Variants in PIGP observed in about 807,000 individuals in gnomAD.
PIGP encodes phosphatidylinositol glycan anchor biosynthesis class P.
In PIGP, 12 loss-of-function variants were observed where a neutral mutation model predicts 16.9. The ratio of observed to expected loss-of-function variants is 0.71; its 90% CI spans 0.46 to 1.15. The LOEUF (loss-of-function observed/expected upper bound fraction) is 1.15, where lower values mean the gene tolerates loss of function less well. Among genes scored for constraint, PIGP ranks in the 50% most tolerant of loss-of-function variants. The pLI is 0.00. For synonymous variants in PIGP, 57 were observed against 54.7 expected (o/e 1.04, Z -0.18); for missense variants, 159 against 153.5 (o/e 1.04, Z -0.19).
Position 37,069,559 on chromosome 21 carries a change from G to T in PIGP, c.148C>A (p.Pro50Thr). The T allele has an allele frequency of 6.5e-7, 1 of 1,547,146 alleles. No homozygotes were observed. Among genetic ancestry groups the T allele is most frequent in the Non-Finnish European group, 8.8e-7 (1 of 1,138,280 alleles). The change falls in exon 3 of 5, where the codon CCT becomes ACT. Residue 50 changes from proline to threonine, a missense_variant. Physicochemically the swap from Pro to Thr is conservative, Grantham distance 38. Coordinates refer to ENST00000360525, the MANE Select transcript of PIGP (RefSeq NM_153682.3). The stretch of plus-strand genomic sequence containing the variant: ...GAAATATATTAAACTTACTTTTGAG[G>T]CCAATAGGTTAAACCTAAAGAGTTT... ...WLNSLGLTYW[P>T]QKYWAVALPV...
chr21:37,067,273 T>C lies in PIGP; in HGVS notation c.263A>G (p.His88Arg), dbSNP rs577401644. ...TTATATAAAGTTACCTGTGATTGTA[T>C]GGATGGAGTCGAGTGGAGAGGTACT... Reference protein sequence around the residue: ...MMSTSPLDSIHTITDNYAKNQ... With the variant: ...MMSTSPLDSIRTITDNYAKNQ... Residue 88 changes from histidine to arginine, a missense_variant, in exon 4 of 5, where the codon CAT becomes CGT. By Grantham distance (29) the His-to-Arg change is conservative (BLOSUM62 0). Coordinates refer to ENST00000360525, the MANE Select transcript of PIGP (RefSeq NM_153682.3). 1.9e-6 allele frequency: 3 copies of C among 1,572,390 alleles called. No individual in the cohort carries two copies. The highest frequency in any genetic ancestry group is 1.7e-5 in the Admixed American group (1 of 59,934).
intron 3 of PIGP, chr21:37,069,314 T>G: frequency 1.1e-5 from 3 of 274,754 alleles, no homozygotes; most frequent in Non-Finnish European, 2.1e-5. Context: ...TTTTTTCCTG[T>G]AGGGTCATTT....
At position 37,072,729 on chromosome 21, in the gene PIGP, G is replaced by A. The variant is rs1027774025; in HGVS notation, c.-22-192C>T. On this transcript the variant is annotated intron_variant, in intron 1 of 4. Coordinates refer to ENST00000360525, the MANE Select transcript of PIGP (RefSeq NM_153682.3). ...CTGGCGCGCGCCCCGCAACAGAAGG[G>A]GTGGCGGAGGATAGGGCAGGGAGGG... 73 of 831,032 alleles carry A rather than the reference G, an allele frequency of 8.8e-5. 1 individual carries two copies. The highest frequency in any genetic ancestry group is 7.6e-4 in the South Asian group (46 of 60,196). 51.5% of individuals were successfully genotyped at this position (831,032 alleles called of 1,614,324 possible). A position where few individuals can be genotyped will look rare whatever the true frequency, so the allele number is the denominator to read the frequency against.
chr21:37,066,852 A>C (rs1972033841), intron 4 of PIGP, among the ~76,000 whole-genome samples: 1 of 152,186 alleles, frequency 6.6e-6, no homozygotes, highest in African/African-American at 2.4e-5. Flanking sequence ...AATTAATTAT[A>C]ATTTATTTCC....
At chr21:37,072,258 G>A in intron 2 of PIGP, 176 bp downstream of exon 2, 1 of 1,610,492 alleles carries the variant, frequency 6.2e-7, no homozygotes, top group Non-Finnish European at 8.5e-7. Context: ...AAACCTCCTA[G>A]GCTAGTGCTG....
intron 3 of PIGP, among the ~76,000 whole-genome samples, chr21:37,068,206 TG>T (rs1362687338): frequency 2.6e-5 from 3 of 117,402 alleles, no homozygotes; most frequent in Non-Finnish European, 6.1e-5. Flanking sequence ...GTTGGCCAGA[TG>T]TTTTTTTTTT....
At position 37,067,301 on chromosome 21, in the gene PIGP, T is replaced by G; in HGVS notation, c.235A>C (p.Met79Leu). The G allele has an allele frequency of 2.5e-6, 4 of 1,610,350 alleles. No homozygotes were observed. The highest frequency in any genetic ancestry group is 2.5e-6 in the Non-Finnish European group (3 of 1,176,582). The change falls in exon 4 of 5, where the codon ATG becomes CTG. Residue 79 changes from methionine (M) to leucine (L), a missense_variant. Physicochemically the swap from Met to Leu is conservative, Grantham distance 15 (BLOSUM62 2). Coordinates refer to ENST00000360525, the MANE Select transcript of PIGP (RefSeq NM_153682.3). ...GYVLLFGINM[M>L]STSPLDSIHT... ...ATGGAGTCGAGTGGAGAGGTACTCA[T>G]CATGTTAATCCCAAACAAGAGCACG...
At chr21:37,072,043 G>T (rs1445628814) in intron 2 of PIGP, 1 of 773,008 alleles carries the variant, frequency 1.3e-6, no homozygotes, top group Non-Finnish European at 2.4e-6. Context: ...AGTGCCAGGG[G>T]GAAAGGCCTC....
At chr21:37,070,652 A>T (rs1327703617) in intron 2 of PIGP, among the ~76,000 whole-genome samples, 1 of 152,232 alleles carries the variant, frequency 6.6e-6, no homozygotes, top group Non-Finnish European at 1.5e-5. Flanking sequence ...CATGAGAATG[A>T]AGACTCAAAG....
chr21:37,066,236 G>A (rs554470723), intron 4 of PIGP, among the ~76,000 whole-genome samples: 2 of 152,060 alleles, frequency 1.3e-5, no homozygotes, highest in East Asian at 1.9e-4. Context: ...CATTTCTCAC[G>A]GGAACAGAAT....
At position 37,067,325 on chromosome 21, in the gene PIGP, C is replaced by A; in HGVS notation, c.211G>T (p.Val71Leu). The change falls in exon 4 of 5, where the codon GTG (valine) becomes TTG (leucine). Residue 71 changes from valine to leucine, a missense_variant. Transcript: ENST00000360525. ...ATCATGTTAATCCCAAACAAGAGCA[C>A]GTAGCCAATTACTATAGCAATAAGG... is the stretch of plus-strand genomic sequence containing the variant. ...YLLIAIVIGY[V>L]LLFGINMMST... The A allele has an allele frequency of 1.9e-6, 3 of 1,612,234 alleles. No individual in the cohort carries two copies. Among genetic ancestry groups the A allele is most frequent in the South Asian group, 1.1e-5 (1 of 91,024 alleles).
chr21:37,072,817 G>A (rs931814897), intron 1 of PIGP, 183 bp downstream of exon 1: 1 of 532,786 alleles, frequency 1.9e-6, no homozygotes. Context: ...TGGGAGGGGA[G>A]GGCAGGGAAC....
intron 4 of PIGP, 127 bp from the exon 5 acceptor site, chr21:37,065,839 A>G (rs921590666): frequency 4.3e-6 from 3 of 690,160 alleles, no homozygotes; most frequent in Non-Finnish European, 7.3e-6. Flanking sequence ...CATGTTTAAC[A>G]TAATTAGATG....
At chr21:37,066,241 C>A (rs906800632) in intron 4 of PIGP, among the ~76,000 whole-genome samples, 7 of 152,056 alleles carry the variant, frequency 4.6e-5, no homozygotes, top group Admixed American at 2.0e-4. Flanking sequence ...CTCACGGGAA[C>A]AGAATTATAT....
At chr21:37,065,825 A>G (rs2069893355) in intron 4 of PIGP, 113 bp from the exon 5 acceptor site, 1 of 795,114 alleles carries the variant, frequency 1.3e-6, no homozygotes, top group South Asian at 1.7e-5. Context: ...ATAGTGACAA[A>G]CATCATGTTT....
chr21:37,066,449 G>A (rs2069904933), intron 4 of PIGP, among the ~76,000 whole-genome samples: 1 of 152,210 alleles, frequency 6.6e-6, no homozygotes, highest in Non-Finnish European at 1.5e-5. Flanking sequence ...ATACATTGTA[G>A]AGGCTAATAT....
Position 37,072,342 on chromosome 21 carries a change from C to T in PIGP, c.82+92G>A, listed in dbSNP as rs551273024. 1.1e-3 allele frequency: 1,752 copies of T among 1,595,984 alleles called. 2 individuals are homozygous for T. The highest frequency in any genetic ancestry group is 1.4e-3 in the Non-Finnish European group (1,596 of 1,169,182). The stretch of plus-strand genomic sequence containing the variant: ...AAGAGACATAGGGAGAAAGAATCAA[C>T]AGTTCATGTGTGCACAGTCTAACCA... On this transcript the variant is annotated intron_variant, in intron 2 of 4. Coordinates refer to ENST00000360525, the MANE Select transcript of PIGP (RefSeq NM_153682.3).
chr21:37,072,183 G>T, intron 2 of PIGP: 2 of 1,490,280 alleles, frequency 1.3e-6, no homozygotes, highest in East Asian at 2.3e-5. Flanking sequence ...CTCCTTAAGG[G>T]CAGGGACCAG....
At chr21:37,065,767 CTG>C (rs2069892189) in intron 4 of PIGP, 55 bp from the exon 5 acceptor site, 8 of 1,557,794 alleles carry the variant, frequency 5.1e-6, no homozygotes, top group Middle Eastern at 1.7e-4. Context: ...TCTACAGTCT[CTG>C]TGTCTGATGG....
Sources: allele counts gnomAD v4.1 joint callset (sites outside exome capture counted in the v4.1 genomes callset), GRCh38; gene constraint gnomAD v4.1.1; transcripts MANE v1.5; gene names NCBI Gene and HGNC (gene_info 2026-07-23, HGNC 2026-07-21).